PDXDC1: variants seen among roughly 807,000 people sequenced by gnomAD.
PDXDC1 encodes pyridoxal-dependent decarboxylase domain-containing protein 1.
A neutral mutation model predicts 100.1 loss-of-function variants in PDXDC1; 42 were observed. The observed-to-expected ratio is 0.42, with a 90% CI of 0.33 to 0.54. The LOEUF is 0.54. Among genes scored for constraint, PDXDC1 ranks in the 20% least tolerant of loss-of-function variants. PDXDC1 has a pLI of 0.10. For synonymous variants in PDXDC1, 260 were observed against 371.7 expected (o/e 0.70, Z 3.46); for missense variants, 636 against 979.2 (o/e 0.65, Z 4.68).
chr16:15,099,009 T>C (rs1489089166), intron 16 of PDXDC1, among the ~76,000 whole-genome samples: 3 of 152,218 alleles, frequency 2.0e-5, no homozygotes, highest in African/African-American at 2.4e-5. Context: ...GCTGTGCCAA[T>C]GTACACTTCC....
chr16:15,054,960 C>T (rs1288550830), intron 16 of PDXDC1, among the ~76,000 whole-genome samples: 1 of 152,140 alleles, frequency 6.6e-6, no homozygotes, highest in Non-Finnish European at 1.5e-5. Context: ...TGAAAGGGGA[C>T]GCTTTTTCTT....
chr16:15,073,504 C>G (rs1474841458), intron 16 of PDXDC1, among the ~76,000 whole-genome samples: 1 of 152,056 alleles, frequency 6.6e-6, no homozygotes, highest in Non-Finnish European at 1.5e-5. Context: ...ACCATTAAAA[C>G]AAAATGCTAC....
intron 16 of PDXDC1, chr16:15,135,510 G>C (rs2048306735): frequency 8.8e-7 from 1 of 1,137,860 alleles, no homozygotes; most frequent in Non-Finnish European, 1.3e-6. Flanking sequence ...GAGACAGCGC[G>C]GGAGACCCCC....
intron 16 of PDXDC1, chr16:15,047,535 C>A: frequency 6.2e-7 from 1 of 1,613,296 alleles, no homozygotes. Context: ...ATGTGTCAAG[C>A]AGGTGGCCCC....
the PDXDC1 span, among the ~76,000 whole-genome samples, chr16:15,145,004 C>T: frequency 6.6e-6 from 1 of 152,192 alleles, no homozygotes; most frequent in South Asian, 2.1e-4. Flanking sequence ...GCATCCCTCT[C>T]CACTCCCACC....
chr16:15,144,801 G>A, the PDXDC1 span, among the ~76,000 whole-genome samples: 3 of 152,188 alleles, frequency 2.0e-5, no homozygotes, highest in Non-Finnish European at 2.9e-5. Flanking sequence ...CTACACGGAT[G>A]GAAAAACACA....
downstream of PDXDC1, chr16:15,038,646 T>G (rs146090124): frequency 9.0e-5 from 144 of 1,607,698 alleles, no homozygotes; most frequent in Non-Finnish European, 1.2e-4. Flanking sequence ...AGTACGGTCC[T>G]ATACGAAGTT....
intron 16 of PDXDC1, among the ~76,000 whole-genome samples, chr16:15,066,262 C>T (rs529073384): frequency 6.6e-6 from 1 of 152,284 alleles, no homozygotes; most frequent in South Asian, 2.1e-4. Flanking sequence ...TCCTACAACC[C>T]CGCAGCTGAC....
chr16:14,985,256 C>T (rs1463898317), intron 1 of PDXDC1, among the ~76,000 whole-genome samples: 1 of 151,456 alleles, frequency 6.6e-6, no homozygotes, highest in African/African-American at 2.4e-5. Context: ...TTGTAGTTAC[C>T]AGTTTTGGAA....
chr16:15,126,095 C>T (rs1229179347), intron 16 of PDXDC1: 67 of 493,252 alleles, frequency 1.4e-4, no homozygotes, highest in African/African-American at 1.0e-3. Context: ...AGTGCACTGG[C>T]GCAATCTCAG....
chr16:14,990,960 C>T (rs1194133337), intron 1 of PDXDC1, among the ~76,000 whole-genome samples: 2 of 152,280 alleles, frequency 1.3e-5, no homozygotes, highest in Admixed American at 1.3e-4. Flanking sequence ...AAGCTGGTCT[C>T]GAACTCCTGG....
chr16:15,071,114 T>G, intron 16 of PDXDC1: 1 of 1,597,224 alleles, frequency 6.3e-7, no homozygotes, highest in Non-Finnish European at 8.5e-7. Flanking sequence ...AAAATTAGGC[T>G]ACTTACATAA....
At chr16:15,089,900 C>T (rs2046063086) in intron 16 of PDXDC1, among the ~76,000 whole-genome samples, 2 of 147,864 alleles carry the variant, frequency 1.4e-5, no homozygotes, top group Admixed American at 6.8e-5. Context: ...ACAAGGAATA[C>T]AAGGCTTAAA....
chr16:15,029,039 C>T (rs766400622), intron 15 of PDXDC1, 73 bp downstream of exon 15: 48 of 1,512,260 alleles, frequency 3.2e-5, no homozygotes, highest in Middle Eastern at 3.5e-4. Flanking sequence ...GTGAGGGTGA[C>T]GCGTGCTCGT....
intron 16 of PDXDC1, among the ~76,000 whole-genome samples, chr16:15,109,892 G>A (rs1598116825): frequency 1.4e-5 from 2 of 140,648 alleles, no homozygotes; most frequent in African/African-American, 5.1e-5. Flanking sequence ...GGTGGCTCAC[G>A]CCTCTAATCC....
intron 16 of PDXDC1, among the ~76,000 whole-genome samples, chr16:15,072,103 A>C (rs2045257644): frequency 6.6e-6 from 1 of 152,100 alleles, no homozygotes; most frequent in Admixed American, 6.5e-5. Flanking sequence ...ACTTCTCCTA[A>C]ATAGCGCTGT....
intron 3 of PDXDC1, 79 bp from the exon 4 acceptor site, chr16:15,001,697 T>C (rs1973191818): frequency 1.6e-6 from 2 of 1,284,760 alleles, no homozygotes; most frequent in East Asian, 2.7e-5. Flanking sequence ...GCAACGCTAG[T>C]TGAATGAGGG....
chr16:15,021,978 T>A (rs2151544780), intron 12 of PDXDC1, among the ~76,000 whole-genome samples: 1 of 152,412 alleles, frequency 6.6e-6, no homozygotes, highest in African/African-American at 2.4e-5. Context: ...GACAGTGTAT[T>A]CAGAATTAAT....
intron 1 of PDXDC1, among the ~76,000 whole-genome samples, chr16:14,977,124 G>C (rs991314752): frequency 1.3e-5 from 2 of 152,274 alleles, no homozygotes; most frequent in Admixed American, 1.3e-4. Flanking sequence ...TCGCAAGAGG[G>C]ACTGAAATTC....
Sources: gnomAD v4.1 joint callset for allele counts (sites outside exome capture counted in the v4.1 genomes callset) on GRCh38, gnomAD v4.1.1 for gene constraint, MANE v1.5 for transcripts, NCBI Gene and HGNC (gene_info 2026-07-23, HGNC 2026-07-21) for gene names.